CPNE4: variants seen among roughly 807,000 people sequenced by gnomAD.
The protein encoded by CPNE4 is copine 4.
Under a neutral mutation model 67.9 loss-of-function variants are expected in CPNE4, and 25 were observed. The observed-to-expected ratio is 0.37, with a 90% CI of 0.27 to 0.51. The LOEUF (loss-of-function observed/expected upper bound fraction) is 0.51, where lower values mean the gene tolerates loss of function less well. CPNE4 is among the 20% of genes least tolerant of loss of function. The pLI, the probability that CPNE4 is intolerant of heterozygous loss-of-function variation, is 0.93. For missense variants in CPNE4, 464 were observed against 690.8 expected (o/e 0.67, Z 3.68); for synonymous variants, 242 against 244.9 (o/e 0.99, Z 0.11).
intron 1 of CPNE4, among the ~76,000 whole-genome samples, chr3:131,958,972 T>C (rs866897219): frequency 0.33 from 552 of 1,654 alleles, 141 homozygotes; most frequent in Middle Eastern, 0.5. Context: ...ACACCTTTCT[T>C]TTTTTTTTTT....
intron 2 of CPNE4, among the ~76,000 whole-genome samples, chr3:131,894,070 A>G (rs1343458820): frequency 7.2e-5 from 11 of 151,920 alleles, no homozygotes; most frequent in Admixed American, 7.2e-4. Flanking sequence ...TAGATAGTCT[A>G]AACTGTTATT....
chr3:131,571,744 G>A (rs1937347531), intron 10 of CPNE4, among the ~76,000 whole-genome samples: 1 of 151,788 alleles, frequency 6.6e-6, no homozygotes, highest in African/African-American at 2.4e-5. Flanking sequence ...AGGTTTACTT[G>A]TCGAAAGCAT....
intron 1 of CPNE4, among the ~76,000 whole-genome samples, chr3:131,993,671 C>A (rs1324483176): frequency 7.4e-6 from 1 of 134,610 alleles, no homozygotes; most frequent in Admixed American, 8.5e-5. Context: ...ACCATTGTAA[C>A]TATTAATAAA....
chr3:131,955,088 T>TG (rs762235023), intron 1 of CPNE4, among the ~76,000 whole-genome samples: 11 of 139,342 alleles, frequency 7.9e-5, no homozygotes, highest in African/African-American at 2.8e-4. Flanking sequence ...TTAAGTTCTG[T>TG]GTTTTTTTTT....
intron 1 of CPNE4, among the ~76,000 whole-genome samples, chr3:132,022,146 C>G (rs188703288): frequency 6.6e-6 from 1 of 152,324 alleles, no homozygotes; most frequent in Admixed American, 6.5e-5. Context: ...CATGTAGGAT[C>G]AGAAGGCAGG....
At chr3:131,925,904 G>C (rs2070880883) in intron 1 of CPNE4, among the ~76,000 whole-genome samples, 3 of 144,086 alleles carry the variant, frequency 2.1e-5, no homozygotes. Flanking sequence ...GGAACCTAGG[G>C]ACATGAGACA....
intron 2 of CPNE4, among the ~76,000 whole-genome samples, chr3:131,752,248 G>C (rs1329119642): frequency 1.3e-5 from 2 of 152,112 alleles, no homozygotes; most frequent in African/African-American, 4.8e-5. Context: ...GAGGGTAGAA[G>C]TCTCCCCTGC....
intron 2 of CPNE4, among the ~76,000 whole-genome samples, chr3:131,790,062 C>T (rs1004305659): frequency 6.6e-6 from 1 of 152,118 alleles, no homozygotes; most frequent in Non-Finnish European, 1.5e-5. Context: ...CAAGGAGAAT[C>T]GTGTTTCTTC....
At chr3:131,917,588 TAATA>T (rs2070599329) in intron 1 of CPNE4, among the ~76,000 whole-genome samples, 1 of 152,066 alleles carries the variant, frequency 6.6e-6, no homozygotes, top group African/African-American at 2.4e-5. Context: ...TCTCACTCTT[TAATA>T]GTGAGACTTC....
chr3:131,671,458 C>CGTGTGTGT lies in CPNE4; in HGVS notation c.592-1695_592-1694insACACACAC, dbSNP rs1560088339. On this transcript the variant is annotated intron_variant, in intron 6 of 15. Coordinates refer to ENST00000429747, the MANE Select transcript of CPNE4 (RefSeq NM_130808.3). ...ATGTGTATGTATGTATGAGTGTACACATGTGTGTGTGTGTGTGTGTGTGTG... is the reference window on the plus strand; with the variant it reads ...ATGTGTATGTATGTATGAGTGTACACGTGTGTGTATGTGTGTGTGTGTGTGTGTGTGTG... Among the ~76,000 whole-genome samples, 588 of 125,690 alleles carry CGTGTGTGT rather than the reference C, an allele frequency of 4.7e-3. 5 individuals are homozygous for CGTGTGTGT. Among genetic ancestry groups the CGTGTGTGT allele is most frequent in the African/African-American group, 0.015 (549 of 37,652 alleles). The allele number at this position is 125,690 out of a possible 152,430, so 82.5% of individuals were successfully genotyped here.
rs568572518 is a variant in CPNE4 at position 131,874,119 on chromosome 3, C to T, written c.180+31145G>A. Among the ~76,000 whole-genome samples the T allele has an allele frequency of 3.4e-5, 5 of 146,696 alleles. No homozygotes were observed. The South Asian group carries it at 1.1e-3, about 31-fold the overall frequency. ...CTTTTTTTTTTTTGAGACGGAATTT[C>T]GCTCTGTCGCCCAGGCTGGAGTGCA... is the stretch of plus-strand genomic sequence containing the variant. On this transcript the variant is annotated intron_variant, in intron 2 of 15. Coordinates refer to ENST00000429747, the MANE Select transcript of CPNE4 (RefSeq NM_130808.3).
intron 1 of CPNE4, among the ~76,000 whole-genome samples, chr3:132,006,555 C>G (rs1020214743): frequency 6.6e-6 from 1 of 152,052 alleles, no homozygotes; most frequent in Non-Finnish European, 1.5e-5. Context: ...ATTCCTCTTC[C>G]AAAATCATAC....
At chr3:131,953,371 T>C (rs1362698404) in intron 1 of CPNE4, among the ~76,000 whole-genome samples, 3 of 152,162 alleles carry the variant, frequency 2.0e-5, no homozygotes, top group Non-Finnish European at 4.4e-5. Flanking sequence ...TATATGATCT[T>C]GATTATGCGG....
chr3:131,850,855 G>C (rs1000838671), intron 2 of CPNE4, among the ~76,000 whole-genome samples: 1 of 152,066 alleles, frequency 6.6e-6, no homozygotes, highest in Admixed American at 6.6e-5. Context: ...GTAAGTAACA[G>C]AGTGGGAATT....
At chr3:131,873,580 A>C (rs1044974328) in intron 2 of CPNE4, among the ~76,000 whole-genome samples, 3 of 152,222 alleles carry the variant, frequency 2.0e-5, no homozygotes, top group Non-Finnish European at 4.4e-5. Context: ...GTCGTATGAG[A>C]AACACTTCGT....
At chr3:131,699,689 A>G (rs891202036) in intron 4 of CPNE4, among the ~76,000 whole-genome samples, 1 of 152,272 alleles carries the variant, frequency 6.6e-6, no homozygotes, top group Non-Finnish European at 1.5e-5. Context: ...TTACTTTCAA[A>G]TGCTTTTCCT....
intron 2 of CPNE4, among the ~76,000 whole-genome samples, chr3:131,782,018 G>A (rs1395188787): frequency 6.6e-6 from 1 of 152,038 alleles, no homozygotes; most frequent in Admixed American, 6.6e-5. Flanking sequence ...GAATGAGAAC[G>A]TGAGAATATG....
At chr3:132,039,374 C>A (rs528860583), upstream of CPNE4, among the ~76,000 whole-genome samples, 19 of 152,314 alleles carry the variant, frequency 1.2e-4, no homozygotes, top group Middle Eastern at 3.4e-3. Flanking sequence ...ATAAAAGGAA[C>A]CTGGGGCTTT....
intron 1 of CPNE4, among the ~76,000 whole-genome samples, chr3:131,926,261 A>G (rs1288010637): frequency 6.6e-6 from 1 of 152,150 alleles, no homozygotes; most frequent in East Asian, 1.9e-4. Context: ...AGAAACTTTT[A>G]ACTGTCTTTG....
Sources: allele counts gnomAD v4.1 joint callset (sites outside exome capture counted in the v4.1 genomes callset), GRCh38; gene constraint gnomAD v4.1.1; transcripts MANE v1.5; gene names NCBI Gene and HGNC (gene_info 2026-07-23, HGNC 2026-07-21).